Variants in GTF3C5 observed in about 807,000 individuals in gnomAD.
The protein encoded by GTF3C5 is general transcription factor IIIC subunit 5.
A neutral mutation model predicts 61.0 loss-of-function variants in GTF3C5; 47 were observed. That is an observed-to-expected ratio of 0.77 (90% CI 0.61 to 0.98). The LOEUF (loss-of-function observed/expected upper bound fraction) is 0.98, where lower values mean the gene tolerates loss of function less well. Ranked by LOEUF, GTF3C5 falls within the 50% of genes least tolerant of loss-of-function variation. GTF3C5 has a pLI of 0.00. For missense variants in GTF3C5, 659 were observed against 703.3 expected (o/e 0.94, Z 0.71); for synonymous variants, 295 against 275.4 (o/e 1.07, Z -0.71).
At chr9:133,056,192 T>G in intron 9 of GTF3C5, 98 bp downstream of exon 9, 2 of 966,242 alleles carry the variant, frequency 2.1e-6, no homozygotes, top group South Asian at 3.0e-5. Flanking sequence ...GGCCTTCATC[T>G]CCGGCAAGAG....
intron 8 of GTF3C5, chr9:133,055,160 A>T: frequency 1.9e-6 from 3 of 1,543,348 alleles, no homozygotes; most frequent in Non-Finnish European, 1.7e-6. Flanking sequence ...ACAGGAGGAC[A>T]GAGCCAGAGC....
intron 3 of GTF3C5, among the ~76,000 whole-genome samples, chr9:133,048,088 C>A (rs1292468118): frequency 6.6e-6 from 1 of 152,104 alleles, no homozygotes. Context: ...GTCATTGTGC[C>A]ACTGCACTCC....
intron 1 of GTF3C5, among the ~76,000 whole-genome samples, chr9:133,036,790 T>C (rs575539565): frequency 1.3e-5 from 2 of 152,186 alleles, no homozygotes; most frequent in Non-Finnish European, 2.9e-5. Context: ...TACGAGTTCC[T>C]GCTTAGTTTT....
chr9:133,054,975 G>C, intron 8 of GTF3C5, 166 bp downstream of exon 8: 1 of 1,551,672 alleles, frequency 6.4e-7, no homozygotes, highest in South Asian at 1.2e-5. Context: ...GTGAGAACTC[G>C]GGTGCAAAGC....
At chr9:133,032,599 T>G (rs1849762423) in intron 1 of GTF3C5, among the ~76,000 whole-genome samples, 1 of 152,194 alleles carries the variant, frequency 6.6e-6, no homozygotes, top group Non-Finnish European at 1.5e-5. Context: ...ATGTCTCGAC[T>G]TTGCTGTTCT....
At chr9:133,049,282 T>G (rs1850302037) in intron 3 of GTF3C5, among the ~76,000 whole-genome samples, 1 of 152,242 alleles carries the variant, frequency 6.6e-6, no homozygotes, top group Non-Finnish European at 1.5e-5. Flanking sequence ...CTCTTGCAGG[T>G]GACCACCCGG....
In GTF3C5 at chr9:133,054,428, C is replaced by T. The variant is rs865807749; in HGVS notation, c.1009C>T (p.Pro337Ser). 1 of 1,614,128 alleles carries T rather than the reference C, an allele frequency of 6.2e-7. No individual in the cohort carries two copies. The highest frequency in any genetic ancestry group is 8.5e-7 in the Non-Finnish European group (1 of 1,180,012). Residue 337 changes from proline to serine, a missense_variant, in exon 7 of 11, where the codon CCG (proline) becomes TCG (serine). Coordinates refer to ENST00000372097, the MANE Select transcript of GTF3C5 (RefSeq NM_012087.4). ...TACAGGTTACGCCCCCAGTGACTTG[C>T]CGGTCAAAGCAAAGCGCAGCACCTA... is the stretch of plus-strand genomic sequence containing the variant. ...MKHGYAPSDLPVKAKRSTYNY... is the reference protein window; with the variant it reads ...MKHGYAPSDLSVKAKRSTYNY...
Position 133,031,098 on chromosome 9 carries a change from C to A in GTF3C5, c.87C>A (p.Tyr29Ter), listed in dbSNP as rs1290897498. 6.2e-7 allele frequency: 1 copy of A among 1,607,518 alleles called. No homozygotes were observed. Among genetic ancestry groups the A allele is most frequent in the Non-Finnish European group, 8.5e-7 (1 of 1,176,548 alleles). Residue 29 changes from tyrosine (Y) to a stop codon, truncating the protein, a stop_gained, in exon 1 of 11, where the codon TAC becomes TAA. Transcript: ENST00000372097. LOFTEE classifies it high-confidence loss of function. Reference sequence around the variant, plus strand: ...AGCGACGCATGGTGTGCGTGGAGTACCCGGGAGTGGTGCGTGATGTGGCTA... The same window carrying A: ...AGCGACGCATGGTGTGCGTGGAGTAACCGGGAGTGGTGCGTGATGTGGCTA... Reference protein sequence around the residue: ...RRERRMVCVEYPGVVRDVAKM... With the variant: ...RRERRMVCVE
chr9:133,051,657 G>A (rs768488679), intron 4 of GTF3C5, among the ~76,000 whole-genome samples: 25 of 152,108 alleles, frequency 1.6e-4, no homozygotes, highest in South Asian at 4.1e-4. Context: ...AGTCCTCCCC[G>A]GGCCAGGCTG....
intron 5 of GTF3C5, among the ~76,000 whole-genome samples, chr9:133,053,523 T>C (rs997930554): frequency 3.9e-5 from 6 of 152,296 alleles, no homozygotes; most frequent in Admixed American, 3.9e-4. Context: ...AGGTTGAGGC[T>C]GCAGTGAACC....
At chr9:133,055,881 C>A in intron 8 of GTF3C5, 131 bp from the exon 9 acceptor site, 1 of 1,461,870 alleles carries the variant, frequency 6.8e-7, no homozygotes, top group Non-Finnish European at 9.1e-7. Flanking sequence ...TCCAGCCTGT[C>A]TGCCCAACCT....
chr9:133,030,723 G>A, upstream of GTF3C5: 1 of 537,382 alleles, frequency 1.9e-6, no homozygotes, highest in Admixed American at 3.1e-5. Context: ...ATTATCCTCC[G>A]GGTCCCTCGC....
At position 133,043,811 on chromosome 9, in the gene GTF3C5, C is replaced by T. The variant is rs181363313; in HGVS notation, c.457C>T (p.Arg153Trp). The T allele has an allele frequency of 2.0e-5, 32 of 1,614,090 alleles. No individual in the cohort carries two copies. Among genetic ancestry groups the T allele is most frequent in the South Asian group, 8.8e-5 (8 of 91,082 alleles). Residue 153 changes from arginine to tryptophan, a missense_variant, in exon 3 of 11, where the codon CGG becomes TGG. Coordinates refer to ENST00000372097, the MANE Select transcript of GTF3C5 (RefSeq NM_012087.4). ...TSMYDKVLML[R>W]PEKEAFFHQE... ...AATGTATGACAAGGTGCTCATGCTC[C>T]GGCCCGAGAAGGAGGCCTTTTTCCA... is the stretch of plus-strand genomic sequence containing the variant.
chr9:133,054,881 C>T, intron 8 of GTF3C5, 72 bp downstream of exon 8: 6 of 1,537,130 alleles, frequency 3.9e-6, no homozygotes, highest in Non-Finnish European at 5.3e-6. Context: ...GTGGGTGACA[C>T]CTGGGGGGCT....
At chr9:133,045,908 A>T (rs1343663047) in intron 3 of GTF3C5, among the ~76,000 whole-genome samples, 1 of 152,100 alleles carries the variant, frequency 6.6e-6, no homozygotes, top group Admixed American at 6.5e-5. Flanking sequence ...AGGTGCTGGG[A>T]TTACAGGTGT....
chr9:133,035,629 C>T (rs1189837172), intron 1 of GTF3C5, among the ~76,000 whole-genome samples: 3 of 152,212 alleles, frequency 2.0e-5, no homozygotes, highest in Admixed American at 6.5e-5. Context: ...TATTAATTTC[C>T]CTTTTTCAGT....
At chr9:133,055,899 G>C in intron 8 of GTF3C5, 113 bp from the exon 9 acceptor site, 3 of 1,489,378 alleles carry the variant, frequency 2.0e-6, no homozygotes. Context: ...CCTGCTCCTG[G>C]TGACCAGCCA....
chr9:133,031,645 C>T (rs969673382), intron 1 of GTF3C5, among the ~76,000 whole-genome samples: 4 of 152,198 alleles, frequency 2.6e-5, no homozygotes, highest in Non-Finnish European at 5.9e-5. Context: ...AAATTTCCTT[C>T]TATAGAAGGG....
At chr9:133,056,598 C>A (rs1041346017) in intron 9 of GTF3C5, among the ~76,000 whole-genome samples, 168 bp from the exon 10 acceptor site, 1 of 152,136 alleles carries the variant, frequency 6.6e-6, no homozygotes, top group Non-Finnish European at 1.5e-5. Context: ...GGTTTAGGGC[C>A]CCAGCTGGGA....
Sources: allele counts gnomAD v4.1 joint callset (sites outside exome capture counted in the v4.1 genomes callset), GRCh38; gene constraint gnomAD v4.1.1; transcripts MANE v1.5; gene names NCBI Gene and HGNC (gene_info 2026-07-23, HGNC 2026-07-21).